MAK: variants seen among roughly 807,000 people sequenced by gnomAD.
The protein encoded by MAK is male germ cell associated kinase, also known as serine/threonine-protein kinase MAK.
A neutral mutation model predicts 82.6 loss-of-function variants in MAK; 65 were observed. The ratio of observed to expected loss-of-function variants is 0.79; its 90% confidence interval spans 0.64 to 0.97. MAK has a LOEUF of 0.97. Among genes scored for constraint, MAK ranks in the 50% least tolerant of loss-of-function variants. MAK has a pLI of 0.00. For synonymous variants in MAK, 250 were observed against 274.2 expected (o/e 0.91, Z 0.87); for missense variants, 703 against 780.2 (o/e 0.90, Z 1.18).
chr6:10,797,211 GAAGAA>G lies in MAK; in HGVS notation c.832-907_832-903del, dbSNP rs530872622. ...ACCAGCAAAGAGAAGACATTTATGG[GAAGAA>G]AATATAAAAATATTATGAAAAATGA... On this transcript the variant is annotated intron_variant, in intron 8 of 14. Transcript: ENST00000354489. 5.0e-3 allele frequency among the ~76,000 whole-genome samples: 766 copies of G among 152,236 alleles called. 2 individuals are homozygous for G. Among genetic ancestry groups the G allele is most frequent in the Admixed American group, 0.012 (179 of 15,272 alleles).
chr6:10,826,057 C>T (rs1562003712), intron 2 of MAK, among the ~76,000 whole-genome samples: 1 of 152,114 alleles, frequency 6.6e-6, no homozygotes, highest in East Asian at 1.9e-4. Context: ...AAGATATACA[C>T]GCTCCTTCAT....
At chr6:10,774,461 C>A (rs958614354) in intron 12 of MAK, among the ~76,000 whole-genome samples, 1 of 151,882 alleles carries the variant, frequency 6.6e-6, no homozygotes, top group Non-Finnish European at 1.5e-5. Flanking sequence ...TTTCTTTTTT[C>A]TTCCTTTTTG....
intron 8 of MAK, chr6:10,797,854 AC>A (rs1775685476): frequency 1.6e-6 from 2 of 1,285,352 alleles, no homozygotes; most frequent in Non-Finnish European, 2.0e-6. Context: ...AGGTCTTTCC[AC>A]TTCCACTAAA....
intron 11 of MAK, among the ~76,000 whole-genome samples, chr6:10,782,049 A>G (rs1040258029): frequency 3.9e-5 from 6 of 152,044 alleles, no homozygotes; most frequent in African/African-American, 1.2e-4. Flanking sequence ...CTACTAAAAC[A>G]TACAAAAATT....
intron 1 of MAK, among the ~76,000 whole-genome samples, chr6:10,834,641 T>C (rs1047131891): frequency 1.1e-4 from 16 of 152,162 alleles, no homozygotes; most frequent in African/African-American, 3.9e-4. Context: ...GACTACTCCA[T>C]ATCCTGACTA....
intron 10 of MAK, among the ~76,000 whole-genome samples, chr6:10,785,221 C>T (rs1376028772): frequency 6.6e-6 from 1 of 152,160 alleles, no homozygotes; most frequent in East Asian, 1.9e-4. Flanking sequence ...TGAGGACTTT[C>T]TGCTTCGAGG....
At chr6:10,819,379 C>T (rs1370343209) in intron 2 of MAK, among the ~76,000 whole-genome samples, 1 of 152,118 alleles carries the variant, frequency 6.6e-6, no homozygotes, top group Non-Finnish European at 1.5e-5. Flanking sequence ...CGCCTGTAAT[C>T]CCAGCACTTT....
rs1338615049 is a variant in MAK, at chr6:10,801,067, C to A, written c.831+825G>T. Among the ~76,000 whole-genome samples, 14 of 150,744 alleles carry A rather than the reference C, an allele frequency of 9.3e-5. 1 individual carries two copies. The highest frequency in any genetic ancestry group is 2.6e-4 in the Admixed American group (4 of 15,224). The stretch of plus-strand genomic sequence containing the variant: ...ATGCCAGTACTTCCACTGTTACCAT[C>A]ATCAATTTAAAGATTACTTTAATAT... On this transcript the variant is annotated intron_variant, in intron 8 of 14. Transcript: ENST00000354489.
chr6:10,765,440 A>ATTTTTTTTTTTTTTTTTTTTTTTT, intron 14 of MAK, among the ~76,000 whole-genome samples: 1 of 130,620 alleles, frequency 7.7e-6, no homozygotes. Flanking sequence ...TAGAATGAAG[A>ATTTTTTTTTTTTTTTTTTTTTTTT]TTTTTTTTTT....
chr6:10,811,617 A>T (rs1776939299), intron 5 of MAK, among the ~76,000 whole-genome samples: 1 of 152,252 alleles, frequency 6.6e-6, no homozygotes, highest in African/African-American at 2.4e-5. Context: ...ATCCATTATG[A>T]ATAATTAAAA....
chr6:10,800,135 G>A lies in MAK; in HGVS notation c.831+1757C>T, dbSNP rs936211758. Reference sequence around the variant, plus strand: ...ACAAAAATAAGCCAAGCGTGGTGGCGGGCACCTGCAATCCCAGCAACTCGG... The same window carrying A: ...ACAAAAATAAGCCAAGCGTGGTGGCAGGCACCTGCAATCCCAGCAACTCGG... On this transcript the variant is annotated intron_variant, in intron 8 of 14. Coordinates refer to ENST00000354489, the MANE Select transcript of MAK (RefSeq NM_001242957.3). The surrounding 1 kb of genome is among the most constrained non-coding windows in gnomAD (Gnocchi z 4.2). Among the ~76,000 whole-genome samples, 3 of 150,214 alleles carry A rather than the reference G, an allele frequency of 2.0e-5. No individual in the cohort carries two copies. The highest frequency in any genetic ancestry group is 4.0e-4 in the East Asian group (2 of 5,036).
intron 6 of MAK, among the ~76,000 whole-genome samples, chr6:10,808,237 T>C (rs886711624): frequency 2.0e-5 from 3 of 152,216 alleles, no homozygotes; most frequent in Non-Finnish European, 2.9e-5. Context: ...TGGTATGTGC[T>C]CTTTTTCTCT....
rs1480356663 is a variant in MAK at position 10,776,148 on chromosome 6, A to T, written c.1466-689T>A. Among the ~76,000 whole-genome samples the T allele has an allele frequency of 1.3e-5, 2 of 152,154 alleles. No homozygotes were observed. The highest frequency in any genetic ancestry group is 2.9e-5 in the Non-Finnish European group (2 of 68,032). On this transcript the variant is annotated intron_variant, in intron 11 of 14. Coordinates refer to ENST00000354489, the MANE Select transcript of MAK (RefSeq NM_001242957.3). This position sits in a 1 kb window ranked among gnomAD's most constrained non-coding sequence, Gnocchi z 4.3. ...ATATTCTTGGCCCAACCCTTGGTGT[A>T]GCAGGGAAAACAGACACGTGACTAA...
intron 11 of MAK, among the ~76,000 whole-genome samples, chr6:10,778,160 G>A (rs1329276267): frequency 2.6e-5 from 4 of 152,168 alleles, no homozygotes; most frequent in Non-Finnish European, 5.9e-5. Context: ...AATATTTACT[G>A]AGCACCTACC....
At chr6:10,775,544 T>A in intron 11 of MAK, 85 bp from the exon 12 acceptor site, 1 of 1,400,878 alleles carries the variant, frequency 7.1e-7, no homozygotes, top group Non-Finnish European at 1.0e-6. Context: ...AAACAAAGAC[T>A]AGAGACACCT....
intron 1 of MAK, among the ~76,000 whole-genome samples, chr6:10,835,061 C>T (rs138207991): frequency 4.6e-4 from 70 of 152,318 alleles, no homozygotes; most frequent in Middle Eastern, 6.8e-3. Flanking sequence ...ACCGCTCCCC[C>T]GCCCCACGCA....
chr6:10,776,223 C>T lies in MAK; in HGVS notation c.1466-764G>A, dbSNP rs1773446477. Among the ~76,000 whole-genome samples, 1 of 152,132 alleles carries T rather than the reference C, an allele frequency of 6.6e-6. No homozygotes were observed. The highest frequency in any genetic ancestry group is 1.5e-5 in the Non-Finnish European group (1 of 68,042). On this transcript the variant is annotated intron_variant, in intron 11 of 14. Coordinates refer to ENST00000354489, the MANE Select transcript of MAK (RefSeq NM_001242957.3). The surrounding 1 kb of genome is among the most constrained non-coding windows in gnomAD (Gnocchi z 4.3). ...CGGAGGTATGAAGCTCCACCTGAAA[C>T]GCTTATTTGTATATGAGATACAGTA...
chr6:10,828,552 C>T (rs953887753), intron 2 of MAK, among the ~76,000 whole-genome samples: 5 of 152,100 alleles, frequency 3.3e-5, no homozygotes, highest in Non-Finnish European at 7.3e-5. Flanking sequence ...TGAGGTCTTT[C>T]AGGTAGGCCC....
chr6:10,772,143 T>C (rs915567041), intron 13 of MAK, among the ~76,000 whole-genome samples: 2 of 152,218 alleles, frequency 1.3e-5, no homozygotes, highest in Admixed American at 6.5e-5. Flanking sequence ...TGATGCTTCT[T>C]ATTGGAGAAA....
Sources: gnomAD v4.1 joint callset for allele counts (sites outside exome capture counted in the v4.1 genomes callset) on GRCh38, gnomAD v4.1.1 for gene constraint, Gnocchi (gnomAD v3.1) non-coding constraint, MANE v1.5 for transcripts, NCBI Gene and HGNC (gene_info 2026-07-23, HGNC 2026-07-21) for gene names.